FBXW10B: variants seen among roughly 807,000 people sequenced by gnomAD.
FBXW10B encodes F-box and WD repeat domain containing 10B.
At chr17:15,591,608 A>G in the FBXW10B span, among the ~76,000 whole-genome samples, 1 of 152,214 alleles carries the variant, frequency 6.6e-6, no homozygotes, top group African/African-American at 2.4e-5. Context: ...ATGCTTTTAA[A>G]TGAATTTCTG....
chr17:15,611,306 G>A, the FBXW10B span, among the ~76,000 whole-genome samples: 1 of 152,222 alleles, frequency 6.6e-6, no homozygotes, highest in African/African-American at 2.4e-5. Flanking sequence ...ACAGGCGTGA[G>A]CCGCTGCACC....
chr17:15,576,141 C>A, the FBXW10B span, among the ~76,000 whole-genome samples: 1 of 152,138 alleles, frequency 6.6e-6, no homozygotes, highest in African/African-American at 2.4e-5. Flanking sequence ...TTTATCAAAC[C>A]TGAGGTCCTT....
At chr17:15,582,554 A>C in the FBXW10B span, among the ~76,000 whole-genome samples, 1 of 151,728 alleles carries the variant, frequency 6.6e-6, no homozygotes, top group Admixed American at 6.6e-5. Context: ...TTCCAAAGAG[A>C]GTCCTTTACT....
chr17:15,606,887 A>C, the FBXW10B span, among the ~76,000 whole-genome samples: 28,576 of 152,040 alleles, frequency 0.19, 2,940 homozygotes, highest in East Asian at 0.29. Context: ...CATGGCCAAA[A>C]ATAAAGTAGA....
chr17:15,573,175 G>A, the FBXW10B span: 1 of 152,206 alleles, frequency 6.6e-6, no homozygotes, highest in African/African-American at 2.4e-5. Flanking sequence ...CATTATAAGG[G>A]AGAGGAGCAG....
chr17:15,596,326 G>A, the FBXW10B span: 71 of 357,262 alleles, frequency 2.0e-4, no homozygotes, highest in Non-Finnish European at 2.5e-4. Flanking sequence ...TGATGTGGGC[G>A]GTGGAGCCCC....
the FBXW10B span, among the ~76,000 whole-genome samples, chr17:15,603,773 T>G: frequency 7.0e-6 from 1 of 142,888 alleles, no homozygotes; most frequent in African/African-American, 2.6e-5. Context: ...TTTGAAATAA[T>G]TAAAAACTAG....
the FBXW10B span, among the ~76,000 whole-genome samples, chr17:15,590,235 T>C: frequency 6.6e-6 from 1 of 151,944 alleles, no homozygotes; most frequent in Non-Finnish European, 1.5e-5. Context: ...TTGTTATTTG[T>C]AAGGTGCTGG....
chr17:15,568,798 G>A, the FBXW10B span: 1 of 1,173,392 alleles, frequency 8.5e-7, no homozygotes, highest in Non-Finnish European at 1.1e-6. Flanking sequence ...AGCCATCCTA[G>A]GCACTCTTTT....
At chr17:15,577,389 C>T in the FBXW10B span, among the ~76,000 whole-genome samples, 1 of 152,200 alleles carries the variant, frequency 6.6e-6, no homozygotes, top group African/African-American at 2.4e-5. Flanking sequence ...GAAAGTTACA[C>T]TCCCTTCTCT....
At chr17:15,612,795 T>G in the FBXW10B span, 1 of 1,613,892 alleles carries the variant, frequency 6.2e-7, no homozygotes, top group African/African-American at 1.3e-5. Context: ...ATTGGCATAA[T>G]TAGGATCAAT....
chr17:15,608,975 TCCTCCCTCCTTC>T, the FBXW10B span, among the ~76,000 whole-genome samples: 8 of 150,156 alleles, frequency 5.3e-5, no homozygotes, highest in Non-Finnish European at 1.0e-4. Context: ...CCTTCATTCG[TCCTCCCTCCTTC>T]CCTCCCTCCT....
the FBXW10B span, among the ~76,000 whole-genome samples, chr17:15,590,245 G>T: frequency 6.6e-6 from 1 of 151,878 alleles, no homozygotes; most frequent in African/African-American, 2.4e-5. Flanking sequence ...TAAGGTGCTG[G>T]ACCATGGTGA....
the FBXW10B span, among the ~76,000 whole-genome samples, chr17:15,580,689 G>T: frequency 6.9e-6 from 1 of 145,674 alleles, no homozygotes; most frequent in Non-Finnish European, 1.5e-5. Flanking sequence ...CTTTCTTGTA[G>T]CTGATTTTAC....
chr17:15,589,496 C>T, the FBXW10B span, among the ~76,000 whole-genome samples: 37,949 of 146,844 alleles, frequency 0.26, 5,355 homozygotes, highest in South Asian at 0.33. Context: ...CAGCCTCCTG[C>T]GTTCCCCTCT....
At chr17:15,606,697 G>T in the FBXW10B span, among the ~76,000 whole-genome samples, 28,308 of 151,052 alleles carry the variant, frequency 0.19, 2,895 homozygotes, top group East Asian at 0.29. Flanking sequence ...AGCAATTCTT[G>T]ATATTTTTGC....
chr17:15,599,036 A>T, the FBXW10B span, among the ~76,000 whole-genome samples: 1 of 152,072 alleles, frequency 6.6e-6, no homozygotes, highest in Non-Finnish European at 1.5e-5. Context: ...TTAGCCAGGC[A>T]TGGTGGCGTG....
At chr17:15,569,455 C>CTTTTTTTTTTTTTTTTTTTTTT in the FBXW10B span, among the ~76,000 whole-genome samples, 11 of 59,196 alleles carry the variant, frequency 1.9e-4, no homozygotes, top group East Asian at 7.0e-4. Flanking sequence ...TTTTCTTTTT[C>CTTTTTTTTTTTTTTTTTTTTTT]TTTTTTTTTT....
At chr17:15,610,585 A>G in the FBXW10B span, among the ~76,000 whole-genome samples, 46 of 152,296 alleles carry the variant, frequency 3.0e-4, no homozygotes, top group African/African-American at 1.1e-3. Flanking sequence ...TCTGTGCCCT[A>G]GATGTCTTAT....
Sources: allele counts gnomAD v4.1 joint callset (sites outside exome capture counted in the v4.1 genomes callset), GRCh38; gene constraint gnomAD v4.1.1; transcripts MANE v1.5; gene names NCBI Gene and HGNC (gene_info 2026-07-23, HGNC 2026-07-21).